Variants in RRM1 observed in about 807,000 individuals in gnomAD.
The protein encoded by RRM1 is ribonucleotide reductase catalytic subunit M1.
Under a neutral mutation model 101.5 loss-of-function variants are expected in RRM1, and 19 were observed. The ratio of observed to expected loss-of-function variants is 0.19; its 90% CI spans 0.13 to 0.27. The LOEUF is 0.27. Among genes scored for constraint, RRM1 ranks in the 10% least tolerant of loss-of-function variants. The pLI is 1.00. For synonymous variants in RRM1, 298 were observed against 323.4 expected (o/e 0.92, Z 0.84); for missense variants, 500 against 962.9 (o/e 0.52, Z 6.36).
chr11:4,097,530 G>A (rs1005411532), intron 1 of RRM1, among the ~76,000 whole-genome samples: 2 of 151,032 alleles, frequency 1.3e-5, no homozygotes, highest in African/African-American at 2.4e-5. Context: ...TTGGTTTTCT[G>A]GACTTTTTTT....
At chr11:4,109,425 T>C (rs2094562492) in intron 4 of RRM1, among the ~76,000 whole-genome samples, 1 of 152,070 alleles carries the variant, frequency 6.6e-6, no homozygotes, top group African/African-American at 2.4e-5. Context: ...TGTTTTCATA[T>C]ACATGTTTTT....
At position 4,135,357 on chromosome 11, in the gene RRM1, A is replaced by T; in HGVS notation, c.2190+87A>T. The T allele has an allele frequency of 3.9e-6, 4 of 1,019,110 alleles. No individual in the cohort carries two copies. In the South Asian group the frequency reaches 7.8e-5, roughly 20 times the overall value. 63.1% of individuals were successfully genotyped at this position (1,019,110 alleles called of 1,614,324 possible). On this transcript the variant is annotated intron_variant, in intron 18 of 18. Coordinates refer to ENST00000300738, the MANE Select transcript of RRM1 (RefSeq NM_001033.5). ...ATTTTATGTTTTAGCCACCTATTAA[A>T]TATTATCACCTAGAAGTTCTTTAAG...
rs201133430 is a variant in RRM1 at position 4,129,128 on chromosome 11, G to A, written c.1747G>A (p.Val583Ile). Residue 583 changes from valine to isoleucine, a missense_variant, in exon 15 of 19, where the codon GTT becomes ATT. By Grantham distance (29) the Val-to-Ile change is conservative. Around this residue, in one of 9 missense-constraint regions of RRM1, gnomAD observed 106 missense variants for 138.1 expected, o/e 0.77. Coordinates refer to ENST00000300738, the MANE Select transcript of RRM1 (RefSeq NM_001033.5). The stretch of plus-strand genomic sequence containing the variant: ...TCCTACAGACCTATGGGACTGGAAG[G>A]TTCTCAAGGAGAAGATTGCAAAGTA... ...VTPTDLWDWK[V>I]LKEKIAKYGI... 148 of 1,605,050 alleles carry A rather than the reference G, an allele frequency of 9.2e-5. No individual in the cohort carries two copies. The highest frequency in any genetic ancestry group is 4.9e-4 in the Middle Eastern group (3 of 6,064).
chr11:4,136,177 TA>T (rs200177015), intron 18 of RRM1, among the ~76,000 whole-genome samples: 1,664 of 152,190 alleles, frequency 0.011, 37 homozygotes, highest in African/African-American at 0.037. Flanking sequence ...ATTCCAAGTT[TA>T]AAAAAAGTTT....
Position 4,111,597 on chromosome 11 carries a change from C to A in RRM1, c.448-4C>A. 3.8e-6 allele frequency: 6 copies of A among 1,593,418 alleles called. No homozygotes were observed. The highest frequency in any genetic ancestry group is 5.1e-6 in the Non-Finnish European group (6 of 1,169,200). On this transcript the variant is annotated splice_polypyrimidine_tract_variant and splice_region_variant and intron_variant, in intron 5 of 18. Transcript: ENST00000300738. Reference sequence around the variant, plus strand: ...AAAATTTTTTGTTGTTTCTCTCTTTCTAGACGCTAGAGCGGTCTTATTTGT... The same window carrying A: ...AAAATTTTTTGTTGTTTCTCTCTTTATAGACGCTAGAGCGGTCTTATTTGT...
intron 3 of RRM1, 64 bp downstream of exon 3, chr11:4,106,287 T>C (rs766475151): frequency 1.5e-6 from 2 of 1,375,658 alleles, no homozygotes; most frequent in Non-Finnish European, 2.0e-6. Context: ...GTACTAGAAA[T>C]AAATCTTGAC....
chr11:4,115,744 A>G (rs1662161), intron 7 of RRM1, among the ~76,000 whole-genome samples: 59,342 of 151,852 alleles, frequency 0.39, 14,254 homozygotes, highest in Non-Finnish European at 0.54. Flanking sequence ...TTTAGTACAG[A>G]TGGGGTTTGT....
Position 4,127,269 on chromosome 11 carries a change from A to G in RRM1, c.1692+13A>G, listed in dbSNP as rs1190168302. The G allele has an allele frequency of 1.9e-6, 3 of 1,539,680 alleles. No individual in the cohort carries two copies. In the East Asian group the frequency reaches 6.8e-5, roughly 35 times the overall value. On this transcript the variant is annotated intron_variant, in intron 14 of 18. Coordinates refer to ENST00000300738, the MANE Select transcript of RRM1 (RefSeq NM_001033.5). ...AGTTAGCAAAGGAGTAAGTATATGG[A>G]TGGAATTGTTTTTGCCTGTGAGTAC...
Position 4,132,256 on chromosome 11 carries a change from A to AC in RRM1, c.1770-29dup. 1 of 1,612,898 alleles carries AC rather than the reference A, an allele frequency of 6.2e-7. No homozygotes were observed. Among genetic ancestry groups the AC allele is most frequent in the Non-Finnish European group, 8.5e-7 (1 of 1,179,116 alleles). ...TTTCCTGGCAGATTGTAGCTTTGGG[A>AC]CTAGTACCTGATAATCTCCTTTTCT... On this transcript the variant is annotated intron_variant, in intron 15 of 18. Transcript: ENST00000300738. This position sits in a 1 kb window ranked among gnomAD's most constrained non-coding sequence, Gnocchi z 4.1.
chr11:4,115,005 G>T (rs901607137), intron 7 of RRM1, among the ~76,000 whole-genome samples: 3 of 152,072 alleles, frequency 2.0e-5, no homozygotes, highest in Non-Finnish European at 4.4e-5. Context: ...GAGCTACCAT[G>T]CCCGGTTTTT....
At chr11:4,101,239 A>G (rs554498919) in intron 1 of RRM1, among the ~76,000 whole-genome samples, 5 of 152,248 alleles carry the variant, frequency 3.3e-5, no homozygotes, top group Non-Finnish European at 7.4e-5. Context: ...TCAAGGTACA[A>G]TAGGAAGGAA....
intron 7 of RRM1, among the ~76,000 whole-genome samples, chr11:4,117,418 A>G (rs2133303944): frequency 6.6e-6 from 1 of 152,354 alleles, no homozygotes; most frequent in South Asian, 2.1e-4. Context: ...CATGGGACAA[A>G]TGTTTTGGTA....
At chr11:4,126,260 A>C (rs925306079) in intron 12 of RRM1, among the ~76,000 whole-genome samples, 6 of 152,238 alleles carry the variant, frequency 3.9e-5, no homozygotes, top group African/African-American at 1.4e-4. Context: ...GAGCACTTGA[A>C]ATATGACTAG....
intron 7 of RRM1, among the ~76,000 whole-genome samples, chr11:4,115,915 A>G (rs2094572484): frequency 2.0e-5 from 3 of 152,212 alleles, no homozygotes; most frequent in African/African-American, 7.2e-5. Flanking sequence ...GCAAAACACC[A>G]TAGAGCAAAA....
chr11:4,097,433 C>T (rs2094545247), intron 1 of RRM1, among the ~76,000 whole-genome samples: 1 of 151,814 alleles, frequency 6.6e-6, no homozygotes, highest in Non-Finnish European at 1.5e-5. Flanking sequence ...ACTTAATATA[C>T]AACATGTACT....
chr11:4,123,611 C>T (rs774068856), intron 12 of RRM1, among the ~76,000 whole-genome samples: 25 of 152,096 alleles, frequency 1.6e-4, no homozygotes, highest in Non-Finnish European at 2.6e-4. Flanking sequence ...TTTTCTTATA[C>T]ACACATCACT....
chr11:4,121,862 G>T, intron 10 of RRM1, 97 bp downstream of exon 10: 1 of 1,155,150 alleles, frequency 8.7e-7, no homozygotes, highest in Non-Finnish European at 1.2e-6. Flanking sequence ...GCCCATATGT[G>T]TGTGATGCCA....
intron 2 of RRM1, among the ~76,000 whole-genome samples, chr11:4,104,269 G>A (rs2094555627): frequency 6.6e-6 from 1 of 152,154 alleles, no homozygotes; most frequent in Non-Finnish European, 1.5e-5. Flanking sequence ...GCTGGATCTG[G>A]GAAGAAAGTG....
At chr11:4,136,358 C>G (rs894724328) in intron 18 of RRM1, among the ~76,000 whole-genome samples, 1 of 151,282 alleles carries the variant, frequency 6.6e-6, no homozygotes, top group Admixed American at 6.6e-5. Context: ...TAGCTAGGAT[C>G]ACAGGTGTGT....
Sources: allele counts gnomAD v4.1 joint callset (sites outside exome capture counted in the v4.1 genomes callset), GRCh38; gene constraint gnomAD v4.1.1; regional missense constraint gnomAD v4.1.1; non-coding constraint Gnocchi (gnomAD v3.1); transcripts MANE v1.5; gene names NCBI Gene and HGNC (gene_info 2026-07-23, HGNC 2026-07-21).